The following CYRIB variants were observed in gnomAD, a reference collection of about 807,000 sequenced individuals.
CYRIB encodes CYFIP-related Rac1 interactor B.
CYRIB carries 8 observed loss-of-function variants against 44.2 expected under a neutral mutation model. The observed-to-expected ratio is 0.18, with a 90% CI of 0.11 to 0.33. CYRIB has a LOEUF of 0.33. Ranked by LOEUF, CYRIB falls within the 10% of genes least tolerant of loss-of-function variation. The probability of loss-of-function intolerance (pLI) is 1.00; values close to 1 mark genes in which losing one functional copy is unlikely to be tolerated. For missense variants in CYRIB, 185 were observed against 382.8 expected, an observed-to-expected ratio of 0.48 and a Z score of 4.31; for synonymous variants, 131 against 127.2, an observed-to-expected ratio of 1.03 and a Z score of -0.20.
At chr8:129,987,561 TTTTTTTC>T (rs1354274458) in intron 1 of CYRIB, among the ~76,000 whole-genome samples, 1 of 88,606 alleles carries the variant, frequency 1.1e-5, no homozygotes, top group Non-Finnish European at 2.2e-5. Flanking sequence ...CTTGTCTTTT[TTTTTTTC>T]TTTTTTTTTT....
intron 1 of CYRIB, among the ~76,000 whole-genome samples, chr8:130,007,244 G>A (rs1203425114): frequency 6.6e-6 from 1 of 152,126 alleles, no homozygotes; most frequent in Non-Finnish European, 1.5e-5. Context: ...TCCCAGCAGG[G>A]TCCAGCAGGA....
chr8:129,960,082 T>A (rs2095149809), intron 2 of CYRIB, among the ~76,000 whole-genome samples: 2 of 152,194 alleles, frequency 1.3e-5, no homozygotes, highest in South Asian at 4.1e-4. Flanking sequence ...TGAACTGGGA[T>A]TTATGACACT....
At chr8:129,948,421 C>T (rs982783317) in intron 2 of CYRIB, 2 of 152,212 alleles carry the variant, frequency 1.3e-5, no homozygotes, top group Non-Finnish European at 2.9e-5. Context: ...AAAAAAAATC[C>T]AAGAGGGCAT....
At chr8:129,994,193 G>C (rs953410450) in intron 1 of CYRIB, among the ~76,000 whole-genome samples, 1 of 152,178 alleles carries the variant, frequency 6.6e-6, no homozygotes. Flanking sequence ...CAGGGAGAAG[G>C]CCACGTGAAC....
At chr8:129,990,624 C>T (rs1446859819) in intron 1 of CYRIB, among the ~76,000 whole-genome samples, 5 of 151,942 alleles carry the variant, frequency 3.3e-5, no homozygotes, top group African/African-American at 1.2e-4. Flanking sequence ...CAGGCTCAAG[C>T]GATCCTCCTG....
At chr8:129,884,132 T>C (rs2061812911) in intron 2 of CYRIB, among the ~76,000 whole-genome samples, 1 of 152,148 alleles carries the variant, frequency 6.6e-6, no homozygotes, top group Non-Finnish European at 1.5e-5. Flanking sequence ...CTTCTCTCAG[T>C]CCAGCTGCTT....
chr8:129,889,117 A>C (rs1321931785), intron 2 of CYRIB, among the ~76,000 whole-genome samples: 2 of 151,844 alleles, frequency 1.3e-5, no homozygotes, highest in African/African-American at 2.4e-5. Flanking sequence ...AAATCCTAGG[A>C]CCCTTAAGAA....
chr8:129,863,962 T>C (rs2051721476), intron 4 of CYRIB, among the ~76,000 whole-genome samples: 1 of 152,162 alleles, frequency 6.6e-6, no homozygotes, highest in East Asian at 1.9e-4. Context: ...ATATGACATG[T>C]CTCAATACTC....
intron 10 of CYRIB, 162 bp from the exon 13 acceptor site, chr8:129,847,036 G>T: frequency 2.0e-6 from 1 of 502,792 alleles, no homozygotes; most frequent in Non-Finnish European, 3.4e-6. Context: ...CAACCTAAGA[G>T]TTATTATTCT....
chr8:129,998,860 G>A (rs564040680), intron 1 of CYRIB, among the ~76,000 whole-genome samples: 1 of 152,238 alleles, frequency 6.6e-6, no homozygotes, highest in South Asian at 2.1e-4. Context: ...TCGAACTCCT[G>A]ACCTCAAGTG....
chr8:129,983,046 T>C (rs1384742964), intron 1 of CYRIB, among the ~76,000 whole-genome samples: 1 of 149,532 alleles, frequency 6.7e-6, no homozygotes, highest in Non-Finnish European at 1.5e-5. Flanking sequence ...AAGTGGCTCA[T>C]GCCTGTAATC....
At chr8:129,975,934 T>A (rs1260535668) in intron 1 of CYRIB, among the ~76,000 whole-genome samples, 1 of 152,154 alleles carries the variant, frequency 6.6e-6, no homozygotes, top group East Asian at 1.9e-4. Context: ...CATGTGCAGC[T>A]GGGACTGACA....
At chr8:129,905,086 A>G (rs2074516773) in intron 1 of CYRIB, among the ~76,000 whole-genome samples, 1 of 152,232 alleles carries the variant, frequency 6.6e-6, no homozygotes, top group South Asian at 2.1e-4. Flanking sequence ...TCTAAGGGCT[A>G]TACGTGCATG....
At chr8:129,980,554 C>T (rs2096186658) in intron 1 of CYRIB, among the ~76,000 whole-genome samples, 1 of 151,398 alleles carries the variant, frequency 6.6e-6, no homozygotes, top group Non-Finnish European at 1.5e-5. Flanking sequence ...ATCCCAGGTA[C>T]TCGGGAGGCT....
intron 3 of CYRIB, among the ~76,000 whole-genome samples, chr8:129,876,099 T>G: frequency 6.9e-6 from 1 of 144,306 alleles, no homozygotes. Context: ...GGTGACGGAG[T>G]GAGACTCCAT....
intron 1 of CYRIB, among the ~76,000 whole-genome samples, chr8:129,935,154 G>A (rs772340446): frequency 2.6e-5 from 4 of 152,142 alleles, no homozygotes; most frequent in Non-Finnish European, 5.9e-5. Context: ...GTCACATTAT[G>A]ACATCCGGGA....
At chr8:129,850,310 C>G in intron 9 of CYRIB, 1 of 155,428 alleles carries the variant, frequency 6.4e-6, no homozygotes, top group Admixed American at 6.6e-5. Flanking sequence ...CCAGGACACA[C>G]TGTATCATAC....
chr8:129,911,617 T>C (rs2078074889), intron 1 of CYRIB, among the ~76,000 whole-genome samples: 2 of 151,756 alleles, frequency 1.3e-5, no homozygotes, highest in South Asian at 4.2e-4. Flanking sequence ...CTGACCAACA[T>C]GGTGAAACCC....
At chr8:130,011,545 T>TGC (rs1218346752) in intron 1 of CYRIB, among the ~76,000 whole-genome samples, 5 of 151,156 alleles carry the variant, frequency 3.3e-5, no homozygotes, top group Non-Finnish European at 4.4e-5. Context: ...AGGCTGGGCA[T>TGC]GGTGGCTCAC....
Sources: allele counts gnomAD v4.1 joint callset (sites outside exome capture counted in the v4.1 genomes callset), GRCh38; gene constraint gnomAD v4.1.1; transcripts MANE v1.5; gene names NCBI Gene and HGNC (gene_info 2026-07-23, HGNC 2026-07-21).